The following TFR2 variants were observed in gnomAD, a reference collection of about 807,000 sequenced individuals.
TFR2 encodes transferrin receptor protein 2.
TFR2 carries 64 observed loss-of-function variants against 91.9 expected under a neutral mutation model. The ratio of observed to expected loss-of-function variants is 0.70; its 90% CI spans 0.57 to 0.86. The LOEUF (loss-of-function observed/expected upper bound fraction) is 0.86, where lower values mean the gene tolerates loss of function less well. Among genes scored for constraint, TFR2 ranks in the 40% least tolerant of loss-of-function variants. The probability of loss-of-function intolerance (pLI) is 0.00; values close to 1 mark genes in which losing one functional copy is unlikely to be tolerated. For synonymous variants in TFR2, 454 were observed against 459.6 expected, an observed-to-expected ratio of 0.99 and a Z score of 0.15; for missense variants, 950 against 1,080.5, an observed-to-expected ratio of 0.88 and a Z score of 1.69.
In TFR2 at chr7:100,621,043, C is replaced by G. The variant is rs974022495; in HGVS notation, c.2220G>C (p.Thr740=). The part of the protein sequence containing the change: ...RHIFMGRGDH[T]LGALLDHLRL... ...GCAGGTGGTCCAGCAGGGCGCCCAGCGTGTGGTCTCCACGGCCCATGAAGA... is the reference window on the plus strand; with the variant it reads ...GCAGGTGGTCCAGCAGGGCGCCCAGGGTGTGGTCTCCACGGCCCATGAAGA... Residue 740 remains threonine, a synonymous_variant, in exon 18 of 18, where the codon ACG becomes ACC. Transcript: ENST00000223051. 3.2e-6 allele frequency: 5 copies of G among 1,583,318 alleles called. No homozygotes were observed. The highest frequency in any genetic ancestry group is 1.8e-4 in the Middle Eastern group (1 of 5,436).
chr7:100,632,805 A>C lies in TFR2; in HGVS notation c.849+196T>G, dbSNP rs1331257667. The C allele has an allele frequency of 1.1e-5, 8 of 759,658 alleles. 1 individual carries two copies. Among genetic ancestry groups the C allele is most frequent in the Non-Finnish European group, 1.7e-5 (8 of 464,676 alleles). The allele number at this position is 759,658 out of a possible 1,614,324, so 47.1% of individuals were successfully genotyped here. A position where few individuals can be genotyped will look rare whatever the true frequency, so the allele number is the denominator to read the frequency against. The stretch of plus-strand genomic sequence containing the variant: ...CGTGTTGCCTTGAATTCCTGGCCTC[A>C]AGCGATCCTCCTGTCTTGGCCTCCT... On this transcript the variant is annotated intron_variant, in intron 6 of 17. Coordinates refer to ENST00000223051, the MANE Select transcript of TFR2 (RefSeq NM_003227.4).
chr7:100,624,282 C>T lies in TFR2; in HGVS notation c.2136+2481G>A, dbSNP rs182358448. Among the ~76,000 whole-genome samples, 3 of 152,224 alleles carry T rather than the reference C, an allele frequency of 2.0e-5. No individual in the cohort carries two copies. The East Asian group carries it at 5.8e-4, about 29-fold the overall frequency. On this transcript the variant is annotated intron_variant, in intron 17 of 17. Coordinates refer to ENST00000223051, the MANE Select transcript of TFR2 (RefSeq NM_003227.4). Reference sequence around the variant, plus strand: ...GTTCTGGCTCTGCTGGTCCACACCCCGCTTCCAAGTAAAACCAGACTGATT... The same window carrying T: ...GTTCTGGCTCTGCTGGTCCACACCCTGCTTCCAAGTAAAACCAGACTGATT...
At chr7:100,627,537 G>C in intron 15 of TFR2, 40 bp downstream of exon 15, 1 of 1,613,936 alleles carries the variant, frequency 6.2e-7, no homozygotes, top group Non-Finnish European at 8.5e-7. Flanking sequence ...ACAGGCTGAA[G>C]GACTAGCGCT....
rs200816061 is a variant in TFR2, at chr7:100,633,132, A to T, written c.727-9T>A. On this transcript the variant is annotated splice_polypyrimidine_tract_variant and intron_variant, in intron 5 of 17. Coordinates refer to ENST00000223051, the MANE Select transcript of TFR2 (RefSeq NM_003227.4). The stretch of plus-strand genomic sequence containing the variant: ...GCGTACACCAGCTCTCCCTGGGGAC[A>T]CGAGGACGGTGAGGCGCGCTCCCCG... The T allele has an allele frequency of 1.4e-3, 2,183 of 1,613,278 alleles. 1 individual carries two copies. Among genetic ancestry groups the T allele is most frequent in the Admixed American group, 1.8e-3 (108 of 59,992 alleles).
intron 15 of TFR2, 21 bp from the exon 16 acceptor site, chr7:100,627,512 C>T: frequency 1.2e-6 from 2 of 1,613,570 alleles, no homozygotes; most frequent in Non-Finnish European, 1.7e-6. Flanking sequence ...AGGGTGGACG[C>T]TGGGGCGGAG....
chr7:100,620,709 G>C lies in TFR2; in HGVS notation c.*148C>G. 9.0e-7 allele frequency: 1 copy of C among 1,115,544 alleles called. No homozygotes were observed. The highest frequency in any genetic ancestry group is 2.2e-5 in the Admixed American group (1 of 45,510). 69.1% of individuals were successfully genotyped at this position (1,115,544 alleles called of 1,614,324 possible). The stretch of plus-strand genomic sequence containing the variant: ...TGTGTGGATATCTGTGCTGGGGTCT[G>C]GGCTCCGTGGAGAGATGTGTAGGGG... On this transcript the variant is annotated 3_prime_UTR_variant, in exon 18 of 18. Transcript: ENST00000223051.
Position 100,628,320 on chromosome 7 carries a change from G to A in TFR2, c.1391-14C>T, listed in dbSNP as rs1803327862. ...GGGGCCGGAAGCCTGGGGACAGAGGGGAAGGAGGACAGGCTTAGCAGGGGC... is the reference window on the plus strand; with the variant it reads ...GGGGCCGGAAGCCTGGGGACAGAGGAGAAGGAGGACAGGCTTAGCAGGGGC... On this transcript the variant is annotated splice_polypyrimidine_tract_variant and intron_variant, in intron 10 of 17. Transcript: ENST00000223051. 5.0e-6 allele frequency: 8 copies of A among 1,613,824 alleles called. No individual in the cohort carries two copies. The highest frequency in any genetic ancestry group is 6.8e-6 in the Non-Finnish European group (8 of 1,179,804).
Position 100,632,167 on chromosome 7 carries a change from C to T in TFR2, c.881G>A (p.Gly294Glu). 1 of 1,614,072 alleles carries T rather than the reference C, an allele frequency of 6.2e-7. No individual in the cohort carries two copies. The highest frequency in any genetic ancestry group is 1.3e-5 in the African/African-American group (1 of 75,018). Residue 294 changes from glycine to glutamate, a missense_variant, in exon 7 of 18, where the codon GGA becomes GAA. By Grantham distance (98) the Gly-to-Glu change is moderately conservative. Coordinates refer to ENST00000223051, the MANE Select transcript of TFR2 (RefSeq NM_003227.4). ...CGCTGGCTCTGGGTATATGAGCACT[C>T]CTTGAGCCCCGAAGTCCTGAGCATT... is the stretch of plus-strand genomic sequence containing the variant. The part of the protein sequence containing the change: ...VTNAQDFGAQ[G>E]VLIYPEPADF...
intron 3 of TFR2, among the ~76,000 whole-genome samples, chr7:100,638,771 AT>A (rs1803630589): frequency 1.4e-5 from 2 of 142,808 alleles, no homozygotes; most frequent in South Asian, 4.5e-4. Context: ...AAAAAAAAAA[AT>A]AGCCGGGCAT....
chr7:100,621,752 A>G (rs2131304987), intron 17 of TFR2, among the ~76,000 whole-genome samples: 1 of 152,264 alleles, frequency 6.6e-6, no homozygotes, highest in East Asian at 1.9e-4. Flanking sequence ...TCAAGGGGAC[A>G]GTCCAGTCCT....
chr7:100,633,776 T>G, intron 3 of TFR2: 1 of 684,226 alleles, frequency 1.5e-6, no homozygotes, highest in Non-Finnish European at 2.1e-6. Flanking sequence ...TGGACCAATC[T>G]CGGCTCTCTG....
In TFR2 at chr7:100,631,865, T is replaced by G; in HGVS notation, c.1047A>C (p.Ser349=). ...NQTQFPPVAS[S]GLPSIPAQPI... is the part of the protein sequence containing the mutation. Reference sequence around the variant, plus strand: ...GCTGGGCTGGGATGCTGGGAAGGCCTGATGATGCAACTGGAGGGAACTGGG... The same window carrying G: ...GCTGGGCTGGGATGCTGGGAAGGCCGGATGATGCAACTGGAGGGAACTGGG... The change falls in exon 8 of 18, where the codon TCA becomes TCC. Residue 349 remains serine, a synonymous_variant. Coordinates refer to ENST00000223051, the MANE Select transcript of TFR2 (RefSeq NM_003227.4). The G allele has an allele frequency of 6.2e-7, 1 of 1,613,906 alleles. No homozygotes were observed. Among genetic ancestry groups the G allele is most frequent in the Non-Finnish European group, 8.5e-7 (1 of 1,179,982 alleles).
chr7:100,640,687 T>C lies in TFR2; in HGVS notation c.472A>G (p.Arg158Gly), dbSNP rs1490281406. ...AGGATGGGGCAGGGCCATCCCTACC[T>C]GATGGTGTCCTCCAGGCGCCCCTCC... ...LGEGRLEDTI[R>G]QTSLRERVAG... The change falls in exon 3 of 18, where the codon AGG becomes GGG. Residue 158 changes from arginine (R) to glycine (G), a missense_variant and splice_region_variant. Coordinates refer to ENST00000223051, the MANE Select transcript of TFR2 (RefSeq NM_003227.4). The C allele has an allele frequency of 6.2e-7, 1 of 1,612,158 alleles. No individual in the cohort carries two copies.
chr7:100,633,462 G>T lies in TFR2; in HGVS notation c.568C>A (p.His190Asn). ...RAALSRQKLDHVWTDTHYVGL... is the reference protein window; with the variant it reads ...RAALSRQKLDNVWTDTHYVGL... ...ACGTAGTGCGTGTCGGTCCACACGT[G>T]GTCCAGCTTCTGGCGGGAGAGCGCC... The change falls in exon 4 of 18, where the codon CAC (histidine) becomes AAC (asparagine). Residue 190 changes from histidine (H) to asparagine (N), a missense_variant. By Grantham distance (68) the His-to-Asn change is moderately conservative. Transcript: ENST00000223051. 1 of 1,613,044 alleles carries T rather than the reference G, an allele frequency of 6.2e-7. No individual in the cohort carries two copies.
chr7:100,627,211 C>A, intron 16 of TFR2, 53 bp downstream of exon 16: 3 of 1,528,766 alleles, frequency 2.0e-6, no homozygotes. Flanking sequence ...ACCCCCTGGC[C>A]TGGGCAGTGC....
At chr7:100,635,864 C>G (rs1228071027) in intron 3 of TFR2, among the ~76,000 whole-genome samples, 1 of 152,122 alleles carries the variant, frequency 6.6e-6, no homozygotes, top group African/African-American at 2.4e-5. Context: ...TCCCAAAGTG[C>G]TGGGCTCACA....
In TFR2 at chr7:100,633,498, C is replaced by T. The variant is rs374468195; in HGVS notation, c.532G>A (p.Asp178Asn). The T allele has an allele frequency of 9.9e-6, 16 of 1,611,386 alleles. No individual in the cohort carries two copies. The highest frequency in any genetic ancestry group is 8.0e-5 in the African/African-American group (6 of 74,884). ...TGGCGGGAGAGCGCCGCGCGAATGTCCTGAGTCAGAGCGGCCATCCCGGCC... is the reference window on the plus strand; with the variant it reads ...TGGCGGGAGAGCGCCGCGCGAATGTTCTGAGTCAGAGCGGCCATCCCGGCC... Reference protein sequence around the residue: ...GSAGMAALTQDIRAALSRQKL... With the variant: ...GSAGMAALTQNIRAALSRQKL... The change falls in exon 4 of 18, where the codon GAC (aspartate) becomes AAC (asparagine). Residue 178 changes from aspartate to asparagine, a missense_variant. Coordinates refer to ENST00000223051, the MANE Select transcript of TFR2 (RefSeq NM_003227.4).
At position 100,627,973 on chromosome 7, in the gene TFR2, C is replaced by T. The variant is rs752990792; in HGVS notation, c.1539G>A (p.Gly513=). The T allele has an allele frequency of 6.2e-7, 1 of 1,613,966 alleles. No individual in the cohort carries two copies. The highest frequency in any genetic ancestry group is 8.5e-7 in the Non-Finnish European group (1 of 1,179,902). ...VYVSLDNAVL[G]DDKFHAKTSP... ...TGGTCTTGGCATGAAACTTGTCATC[C>T]CCTGGAAAAAGGGGAGGGGAGGGAT... Residue 513 remains glycine (G), a splice_region_variant and synonymous_variant, in exon 13 of 18, where the codon GGG becomes GGA. Coordinates refer to ENST00000223051, the MANE Select transcript of TFR2 (RefSeq NM_003227.4).
At chr7:100,633,387 G>A in intron 4 of TFR2, 29 bp downstream of exon 4, 1 of 1,606,854 alleles carries the variant, frequency 6.2e-7, no homozygotes, top group East Asian at 2.2e-5. Flanking sequence ...CCCCCTCCCC[G>A]CGCGCCCCCC....
Sources: allele counts gnomAD v4.1 joint callset (sites outside exome capture counted in the v4.1 genomes callset), GRCh38; gene constraint gnomAD v4.1.1; transcripts MANE v1.5; gene names NCBI Gene and HGNC (gene_info 2026-07-23, HGNC 2026-07-21).